The following PHKG1 variants were observed in gnomAD, a reference collection of about 807,000 sequenced individuals.
The protein encoded by PHKG1 is phosphorylase kinase catalytic subunit gamma 1.
PHKG1 carries 48 observed loss-of-function variants against 50.5 expected under a neutral mutation model. The observed-to-expected ratio is 0.95, with a 90% confidence interval of 0.75 to 1.21. The LOEUF is 1.21. Among genes scored for constraint, PHKG1 ranks in the 50% most tolerant of loss-of-function variants. The pLI, the probability that PHKG1 is intolerant of heterozygous loss-of-function variation, is 0.00. For missense variants in PHKG1, 487 were observed against 519.5 expected (o/e 0.94, Z 0.61); for synonymous variants, 204 against 212.8 (o/e 0.96, Z 0.36).
intron 6 of PHKG1, 57 bp from the exon 7 acceptor site, chr7:56,082,310 A>C (rs1796043247): frequency 7.1e-7 from 1 of 1,401,616 alleles, no homozygotes; most frequent in Admixed American, 1.8e-5. Context: ...GAGGAAGTCC[A>C]GGCTGGCCGC....
At chr7:56,087,834 G>C in intron 2 of PHKG1, 58 bp from the exon 3 acceptor site, 4 of 1,383,826 alleles carry the variant, frequency 2.9e-6, no homozygotes, top group Non-Finnish European at 4.1e-6. Flanking sequence ...GGGGGTCCCA[G>C]ATTAGAGGCT....
At chr7:56,085,811 A>T (rs1475475746) in intron 4 of PHKG1, among the ~76,000 whole-genome samples, 2 of 151,988 alleles carry the variant, frequency 1.3e-5, no homozygotes, top group Non-Finnish European at 2.9e-5. Flanking sequence ...CTAAAACAGT[A>T]CACACATAAA....
At chr7:56,092,404 C>G (rs995590324) in intron 1 of PHKG1, among the ~76,000 whole-genome samples, 10 of 152,152 alleles carry the variant, frequency 6.6e-5, no homozygotes, top group Non-Finnish European at 1.3e-4. Flanking sequence ...TCCTGAGTAG[C>G]TAGGACTACA....
intron 1 of PHKG1, among the ~76,000 whole-genome samples, chr7:56,092,223 CT>C (rs1796516762): frequency 6.6e-6 from 1 of 152,174 alleles, no homozygotes; most frequent in Non-Finnish European, 1.5e-5. Context: ...CCACCCACCC[CT>C]CACACCTTTC....
Position 56,081,005 on chromosome 7 carries a change from G to A in PHKG1, c.*49C>T. 6.2e-7 allele frequency: 1 copy of A among 1,601,920 alleles called. No individual in the cohort carries two copies. Among genetic ancestry groups the A allele is most frequent in the South Asian group, 1.1e-5 (1 of 90,442 alleles). On this transcript the variant is annotated 3_prime_UTR_variant, in exon 10 of 10. Transcript: ENST00000297373. The surrounding 1 kb of genome is among the most constrained non-coding windows in gnomAD (Gnocchi z 4.6). Reference sequence around the variant, plus strand: ...TCACCCCTTTGACTTGTATTTCCATGGCTTCCCCTCCCCACCTGCCCCCTA... The same window carrying A: ...TCACCCCTTTGACTTGTATTTCCATAGCTTCCCCTCCCCACCTGCCCCCTA...
intron 6 of PHKG1, chr7:56,083,050 G>A (rs1463566911): frequency 1.3e-5 from 6 of 448,418 alleles, no homozygotes; most frequent in Non-Finnish European, 2.4e-5. Context: ...AAGTTGCAGT[G>A]AGCCGAGATT....
At chr7:56,082,931 C>A (rs373396730) in intron 6 of PHKG1, among the ~76,000 whole-genome samples, 36 of 152,150 alleles carry the variant, frequency 2.4e-4, no homozygotes, top group African/African-American at 8.2e-4. Context: ...CATGGTGAAA[C>A]CCTGTCTCTA....
In PHKG1 at chr7:56,080,947, C is replaced by T. The variant is rs1471848134; in HGVS notation, c.*107G>A. ...AGTTCCAGGGGTTCCTGGCCAGGGCCAAGTGCTCCTTCTGCAGAGGCCTGC... is the reference window on the plus strand; with the variant it reads ...AGTTCCAGGGGTTCCTGGCCAGGGCTAAGTGCTCCTTCTGCAGAGGCCTGC... On this transcript the variant is annotated 3_prime_UTR_variant, in exon 10 of 10. Coordinates refer to ENST00000297373, the MANE Select transcript of PHKG1 (RefSeq NM_006213.5). The T allele has an allele frequency of 1.5e-6, 2 of 1,352,672 alleles. No individual in the cohort carries two copies. The highest frequency in any genetic ancestry group is 2.0e-6 in the Non-Finnish European group (2 of 992,336). 83.8% of individuals were successfully genotyped at this position (1,352,672 alleles called of 1,614,324 possible). A position where few individuals can be genotyped will look rare whatever the true frequency, so the allele number is the denominator to read the frequency against.
intron 4 of PHKG1, chr7:56,084,388 T>C: frequency 1.8e-6 from 1 of 570,552 alleles, no homozygotes; most frequent in Non-Finnish European, 3.1e-6. Context: ...TTTTTTTTTT[T>C]TTTGAGATGG....
Position 56,086,964 on chromosome 7 carries a change from A to C in PHKG1, c.317+6T>G. On this transcript the variant is annotated splice_donor_region_variant and intron_variant, in intron 4 of 9. Transcript: ENST00000297373. ...GGTGTGGCTTGCTCCAGTGCTGGGT[A>C]CTTACAGGTCAAACACCAAGAAGAA... 1.2e-6 allele frequency: 2 copies of C among 1,610,676 alleles called. No homozygotes were observed. The highest frequency in any genetic ancestry group is 1.7e-6 in the Non-Finnish European group (2 of 1,177,018).
At chr7:56,086,870 G>T in intron 4 of PHKG1, 100 bp downstream of exon 4, 1 of 890,564 alleles carries the variant, frequency 1.1e-6, no homozygotes, top group Non-Finnish European at 1.9e-6. Flanking sequence ...CATCCTCAGC[G>T]CAGGAGCTGG....
intron 3 of PHKG1, 32 bp from the exon 4 acceptor site, chr7:56,087,056 AG>A (rs1562880351): frequency 6.3e-7 from 1 of 1,591,494 alleles, no homozygotes; most frequent in South Asian, 1.1e-5. Flanking sequence ...TGTCTCAAGT[AG>A]CAGGGGAGCC....
At chr7:56,083,256 G>A in intron 6 of PHKG1, 22 bp downstream of exon 6, 1 of 1,612,252 alleles carries the variant, frequency 6.2e-7, no homozygotes, top group Non-Finnish European at 8.5e-7. Flanking sequence ...CCTGGACGTG[G>A]GCCAAGGCCA....
rs1388327797 is a variant in PHKG1 at position 56,080,657 on chromosome 7, A to G, written c.*397T>C. 8.7e-6 allele frequency: 2 copies of G among 229,992 alleles called. No homozygotes were observed. Among genetic ancestry groups the G allele is most frequent in the East Asian group, 1.1e-4 (1 of 8,922 alleles). 14.2% of individuals were successfully genotyped at this position (229,992 alleles called of 1,614,324 possible). On this transcript the variant is annotated 3_prime_UTR_variant, in exon 10 of 10. Transcript: ENST00000297373. ...TCATGGGGCCAATAAAATCTCCTGC[A>G]ATTGTGTATCTCAGACATTTGTGTC...
intron 1 of PHKG1, among the ~76,000 whole-genome samples, chr7:56,089,943 G>T (rs1228402066): frequency 1.3e-5 from 2 of 152,134 alleles, no homozygotes; most frequent in South Asian, 2.1e-4. Context: ...TTATAGGCAT[G>T]AACCACCACT....
rs1430192518 is a variant in PHKG1, at chr7:56,092,944, A to G, written c.-143T>C. The G allele has an allele frequency of 6.6e-6, 1 of 152,224 alleles. No individual in the cohort carries two copies. Among genetic ancestry groups the G allele is most frequent in the African/African-American group, 2.4e-5 (1 of 41,444 alleles). 9.4% of individuals were successfully genotyped at this position (152,224 alleles called of 1,614,324 possible). On this transcript the variant is annotated 5_prime_UTR_variant, in exon 1 of 10. Transcript: ENST00000297373. ...CGTGTCCCGAGCAGACACTTGGAAGATATCATCTGCTGTTGTTTTGGGTTT... is the reference window on the plus strand; with the variant it reads ...CGTGTCCCGAGCAGACACTTGGAAGGTATCATCTGCTGTTGTTTTGGGTTT...
chr7:56,088,754 G>T, intron 2 of PHKG1, 105 bp downstream of exon 2: 1 of 712,390 alleles, frequency 1.4e-6, no homozygotes, highest in Non-Finnish European at 2.5e-6. Context: ...CAGCACTTTG[G>T]GGATGAAAGT....
intron 4 of PHKG1, among the ~76,000 whole-genome samples, chr7:56,086,518 C>T (rs887345011): frequency 6.6e-6 from 1 of 151,770 alleles, no homozygotes; most frequent in Non-Finnish European, 1.5e-5. Context: ...GATGGAGTTT[C>T]GCTCTCGTAG....
At position 56,081,463 on chromosome 7, in the gene PHKG1, C is replaced by T. The variant is rs1412198923; in HGVS notation, c.919-164G>A. Reference sequence around the variant, plus strand: ...CCACTTGGCCAGCATCCTCAGGGACCGAGCCAGTGGGCTGACACCTGCCGT... The same window carrying T: ...CCACTTGGCCAGCATCCTCAGGGACTGAGCCAGTGGGCTGACACCTGCCGT... On this transcript the variant is annotated intron_variant, in intron 9 of 9. Coordinates refer to ENST00000297373, the MANE Select transcript of PHKG1 (RefSeq NM_006213.5). This position sits in a 1 kb window ranked among gnomAD's most constrained non-coding sequence, Gnocchi z 4.6. 2.6e-5 allele frequency among the ~76,000 whole-genome samples: 4 copies of T among 152,142 alleles called. No individual in the cohort carries two copies. Among genetic ancestry groups the T allele is most frequent in the African/African-American group, 4.8e-5 (2 of 41,432 alleles).
Sources: allele counts gnomAD v4.1 joint callset (sites outside exome capture counted in the v4.1 genomes callset), GRCh38; gene constraint gnomAD v4.1.1; non-coding constraint Gnocchi (gnomAD v3.1); transcripts MANE v1.5; gene names NCBI Gene and HGNC (gene_info 2026-07-23, HGNC 2026-07-21).